Variants in LRRK2 observed in about 807,000 individuals in gnomAD.
LRRK2 encodes the protein leucine rich repeat kinase 2.
In LRRK2, 203 loss-of-function variants were observed where a neutral mutation model predicts 302.6. The ratio of observed to expected loss-of-function variants is 0.67; its 90% CI spans 0.60 to 0.75. The LOEUF is 0.75. Among genes scored for constraint, LRRK2 ranks in the 30% least tolerant of loss-of-function variants. The pLI is 0.00. For missense variants in LRRK2, 2,830 were observed against 2,951.0 expected, an observed-to-expected ratio of 0.96 and a Z score of 0.95; for synonymous variants, 1,066 against 1,031.9, an observed-to-expected ratio of 1.03 and a Z score of -0.63.
Position 40,293,894 on chromosome 12 carries a change from C to CATATATATATATATATATATATATATAT in LRRK2, c.2808+232_2808+233insTATATATATATATATATATATATATATA, listed in dbSNP as rs1491426750. Among the ~76,000 whole-genome samples, 390 of 70,398 alleles carry CATATATATATATATATATATATATATAT rather than the reference C, an allele frequency of 5.5e-3. 10 individuals are homozygous for CATATATATATATATATATATATATATAT. The highest frequency in any genetic ancestry group is 0.012 in the Middle Eastern group (2 of 166). The allele number at this position is 70,398 out of a possible 152,430, so 46.2% of individuals were successfully genotyped here. On this transcript the variant is annotated intron_variant, in intron 21 of 50. Coordinates refer to ENST00000298910, the MANE Select transcript of LRRK2 (RefSeq NM_198578.4). ...TATGCAGGGTATGAATTTTTTGGGG[C>CATATATATATATATATATATATATATAT]ACATATATATATATATATATACTTA...
intron 31 of LRRK2, chr12:40,312,929 T>C (rs1945083323): frequency 6.7e-6 from 1 of 148,714 alleles, no homozygotes; most frequent in African/African-American, 2.5e-5. Context: ...TTATCTCTAA[T>C]TCTCTGGGTT....
intron 25 of LRRK2, among the ~76,000 whole-genome samples, chr12:40,301,590 C>G (rs1944628228): frequency 6.6e-6 from 1 of 152,166 alleles, no homozygotes; most frequent in Non-Finnish European, 1.5e-5. Context: ...AGCTATCTTT[C>G]TGCTTCTCAG....
Position 40,225,070 on chromosome 12 carries a change from C to A in LRRK2, c.-62C>A. ...CGGGGAGCTGTGGCCGGCGCCCCTG[C>A]CGGTTCCCTGAGCAGCGGACGTTCA... is the stretch of plus-strand genomic sequence containing the variant. On this transcript the variant is annotated 5_prime_UTR_variant, in exon 1 of 51. Coordinates refer to ENST00000298910, the MANE Select transcript of LRRK2 (RefSeq NM_198578.4). The A allele has an allele frequency of 6.2e-7, 1 of 1,606,470 alleles. No individual in the cohort carries two copies. The highest frequency in any genetic ancestry group is 8.5e-7 in the Non-Finnish European group (1 of 1,176,800).
chr12:40,356,872 C>T (rs1946556191), intron 46 of LRRK2, among the ~76,000 whole-genome samples: 1 of 152,098 alleles, frequency 6.6e-6, no homozygotes, highest in Non-Finnish European at 1.5e-5. Context: ...TTGTTACATG[C>T]ATAGAATGTG....
intron 3 of LRRK2, among the ~76,000 whole-genome samples, chr12:40,232,960 G>A (rs1222690698): frequency 1.3e-5 from 2 of 152,138 alleles, no homozygotes; most frequent in Non-Finnish European, 2.9e-5. Context: ...CAGCATAATG[G>A]CTTCTTAGAT....
chr12:40,264,009 A>G, intron 14 of LRRK2, 108 bp downstream of exon 14: 1 of 774,120 alleles, frequency 1.3e-6, no homozygotes, highest in Non-Finnish European at 2.2e-6. Flanking sequence ...GTTTGCTATG[A>G]TAGGAGGAAG....
chr12:40,300,804 G>C, intron 25 of LRRK2: 1 of 471,172 alleles, frequency 2.1e-6, no homozygotes, highest in Admixed American at 2.3e-5. Flanking sequence ...GGTGCCTTCT[G>C]TGGAAAAGTT....
rs890975722 is a variant in LRRK2 at position 40,251,516 on chromosome 12, C to T, written c.1153C>T (p.His385Tyr). ...TCTCCTTATGTACCAAAACAGTTTA[C>T]ATGAGAAGATTGGAGATGAAGATGG... is the stretch of plus-strand genomic sequence containing the variant. ...NNLLMYQNSLHEKIGDEDGHF... is the reference protein window; with the variant it reads ...NNLLMYQNSLYEKIGDEDGHF... The change falls in exon 10 of 51, where the codon CAT (histidine) becomes TAT (tyrosine). Residue 385 changes from histidine to tyrosine, a missense_variant. Around this residue, in one of 3 missense-constraint regions of LRRK2, gnomAD observed 2,121 missense variants for 2,148.0 expected, o/e 0.99. Coordinates refer to ENST00000298910, the MANE Select transcript of LRRK2 (RefSeq NM_198578.4). The T allele has an allele frequency of 2.5e-6, 4 of 1,612,298 alleles. No individual in the cohort carries two copies. The African/African-American group carries it at 4.0e-5, about 16-fold the overall frequency.
At chr12:40,285,847 A>G (rs1049153872) in intron 19 of LRRK2, among the ~76,000 whole-genome samples, 3 of 152,094 alleles carry the variant, frequency 2.0e-5, no homozygotes, top group Non-Finnish European at 4.4e-5. Flanking sequence ...TACTATGCTA[A>G]TGTTGATGAA....
At chr12:40,290,037 T>C (rs1944081439) in intron 20 of LRRK2, among the ~76,000 whole-genome samples, 1 of 151,976 alleles carries the variant, frequency 6.6e-6, no homozygotes, top group Non-Finnish European at 1.5e-5. Flanking sequence ...ATACAGTCTC[T>C]AATCACTAAT....
chr12:40,262,365 A>G (rs951766723), intron 13 of LRRK2, among the ~76,000 whole-genome samples: 2 of 152,278 alleles, frequency 1.3e-5, no homozygotes. Context: ...ATGGACTACA[A>G]AACTGAGGCA....
intron 11 of LRRK2, among the ~76,000 whole-genome samples, chr12:40,253,701 G>C (rs1942381053): frequency 6.6e-6 from 1 of 152,110 alleles, no homozygotes; most frequent in African/African-American, 2.4e-5. Context: ...TAATAGCTTT[G>C]TAGTTTTTCA....
chr12:40,304,884 A>G (rs17484286), intron 27 of LRRK2: 12,385 of 152,130 alleles, frequency 0.081, 701 homozygotes, highest in East Asian at 0.31. Flanking sequence ...ATGAATATAT[A>G]CATAATTATA....
In LRRK2 at chr12:40,367,808, C is replaced by G; in HGVS notation, c.*43C>G. On this transcript the variant is annotated 3_prime_UTR_variant, in exon 51 of 51. Transcript: ENST00000298910. ...TCTTTGGATAGGAAAATTATTCTCT[C>G]CTCTTGTAAATATTTATTTTAAAAA... The G allele has an allele frequency of 6.4e-7, 1 of 1,567,526 alleles. No homozygotes were observed. Among genetic ancestry groups the G allele is most frequent in the Non-Finnish European group, 8.7e-7 (1 of 1,152,062 alleles).
chr12:40,277,309 C>T (rs962702872), intron 16 of LRRK2, among the ~76,000 whole-genome samples: 3 of 152,096 alleles, frequency 2.0e-5, no homozygotes, highest in Non-Finnish European at 4.4e-5. Flanking sequence ...TAACGGTGTT[C>T]TTTATAAATA....
chr12:40,346,634 C>A, intron 41 of LRRK2, 119 bp from the exon 42 acceptor site: 2 of 902,436 alleles, frequency 2.2e-6, no homozygotes, highest in Non-Finnish European at 3.5e-6. Flanking sequence ...AATAACACAG[C>A]CTGGTTTAGA....
At chr12:40,289,407 A>C (rs1247653740) in intron 20 of LRRK2, among the ~76,000 whole-genome samples, 1 of 151,234 alleles carries the variant, frequency 6.6e-6, no homozygotes, top group Non-Finnish European at 1.5e-5. Flanking sequence ...TTTCCATATA[A>C]ATTTTTAATC....
intron 16 of LRRK2, among the ~76,000 whole-genome samples, chr12:40,275,449 C>G (rs1943409716): frequency 6.6e-6 from 1 of 151,980 alleles, no homozygotes; most frequent in Non-Finnish European, 1.5e-5. Context: ...TATATAATAA[C>G]TGTCTTTGTA....
intron 39 of LRRK2, among the ~76,000 whole-genome samples, chr12:40,331,090 G>A (rs562823724): frequency 6.6e-6 from 1 of 152,006 alleles, no homozygotes; most frequent in African/African-American, 2.4e-5. Context: ...TATTTGCTCT[G>A]TGGGTTCATC....
Sources: allele counts gnomAD v4.1 joint callset (sites outside exome capture counted in the v4.1 genomes callset), GRCh38; gene constraint gnomAD v4.1.1; regional missense constraint gnomAD v4.1.1; transcripts MANE v1.5; gene names NCBI Gene and HGNC (gene_info 2026-07-23, HGNC 2026-07-21).